Variants in EPB41L4B observed in about 807,000 individuals in gnomAD.
The protein encoded by EPB41L4B is erythrocyte membrane protein band 4.1 like 4B.
In EPB41L4B, 30 loss-of-function variants were observed where a neutral mutation model predicts 112.5. The observed-to-expected ratio is 0.27, with a 90% confidence interval of 0.20 to 0.36. The LOEUF is 0.36. EPB41L4B is among the 10% of genes least tolerant of loss of function. The probability of loss-of-function intolerance (pLI) is 1.00; values close to 1 mark genes in which losing one functional copy is unlikely to be tolerated. For synonymous variants in EPB41L4B, 408 were observed against 439.7 expected (o/e 0.93, Z 0.90); for missense variants, 1,024 against 1,133.3 (o/e 0.90, Z 1.38).
At chr9:109,229,664 T>C (rs1181661134) in intron 15 of EPB41L4B, among the ~76,000 whole-genome samples, 2 of 152,168 alleles carry the variant, frequency 1.3e-5, no homozygotes, top group African/African-American at 4.8e-5. Flanking sequence ...TTAGCCTCAA[T>C]GGGGACAATT....
Position 109,267,496 on chromosome 9 carries a change from G to C in EPB41L4B, c.510C>G (p.Asn170Lys), listed in dbSNP as rs767753030. ...ACCTTGTAAACTCCTCACGAAGGTT[G>C]TTTGGTTCTGAAGAATAGTATTTAA... ...FRVKYYSSEP[N>K]NLREEFTRYL... Residue 170 changes from asparagine to lysine, a missense_variant, in exon 4 of 26, where the codon AAC becomes AAG. Coordinates refer to ENST00000374566, the MANE Select transcript of EPB41L4B (RefSeq NM_019114.5). 1.2e-6 allele frequency: 2 copies of C among 1,613,524 alleles called. No homozygotes were observed. The highest frequency in any genetic ancestry group is 1.7e-6 in the Non-Finnish European group (2 of 1,179,534).
At chr9:109,228,579 CTGTT>C (rs1833859703) in intron 15 of EPB41L4B, among the ~76,000 whole-genome samples, 1 of 152,290 alleles carries the variant, frequency 6.6e-6, no homozygotes, top group Middle Eastern at 3.4e-3. Flanking sequence ...CAATTTTCTT[CTGTT>C]TGTTCTCTTC....
chr9:109,225,411 G>C (rs988898374), intron 15 of EPB41L4B, among the ~76,000 whole-genome samples: 1 of 152,196 alleles, frequency 6.6e-6, no homozygotes, highest in Admixed American at 6.5e-5. Context: ...ACAGTTCCAC[G>C]TGGCTGGAGA....
At chr9:109,251,830 A>G (rs1055399471) in intron 12 of EPB41L4B, among the ~76,000 whole-genome samples, 12 of 152,164 alleles carry the variant, frequency 7.9e-5, no homozygotes, top group African/African-American at 2.7e-4. Flanking sequence ...GAAGTGGGTA[A>G]AAGGGAAAAC....
intron 22 of EPB41L4B, among the ~76,000 whole-genome samples, chr9:109,186,711 C>T (rs930626579): frequency 3.3e-5 from 5 of 152,034 alleles, no homozygotes; most frequent in African/African-American, 1.2e-4. Context: ...GAACTCCCAG[C>T]CTCAAGAGAT....
At chr9:109,274,035 C>A (rs1032115484) in intron 2 of EPB41L4B, among the ~76,000 whole-genome samples, 3 of 152,190 alleles carry the variant, frequency 2.0e-5, no homozygotes, top group African/African-American at 7.2e-5. Context: ...ACCCTCCCAG[C>A]AGGCGCCATA....
Position 109,207,939 on chromosome 9 carries a change from G to T in EPB41L4B, c.1863C>A (p.Ser621=). 1.2e-6 allele frequency: 2 copies of T among 1,614,012 alleles called. No individual in the cohort carries two copies. The highest frequency in any genetic ancestry group is 2.2e-5 in the South Asian group (2 of 91,066). ...NILKAQLENA[S]RVNIQGGKEE... is the part of the protein sequence containing the mutation. ...TTCTGCGCACCTGGATGTTCACTCGGGAAGCATTTTCCAACTGGGCTTTCA... is the reference window on the plus strand; with the variant it reads ...TTCTGCGCACCTGGATGTTCACTCGTGAAGCATTTTCCAACTGGGCTTTCA... The change falls in exon 18 of 26, where the codon TCC becomes TCA. Residue 621 remains serine, a synonymous_variant. Coordinates refer to ENST00000374566, the MANE Select transcript of EPB41L4B (RefSeq NM_019114.5).
intron 1 of EPB41L4B, among the ~76,000 whole-genome samples, chr9:109,313,397 T>C (rs1837494087): frequency 6.6e-6 from 1 of 152,040 alleles, no homozygotes; most frequent in Non-Finnish European, 1.5e-5. Context: ...CCACAGAGGC[T>C]GCAGAAGGAG....
intron 15 of EPB41L4B, among the ~76,000 whole-genome samples, chr9:109,223,965 G>T (rs1435042723): frequency 6.6e-6 from 1 of 152,114 alleles, no homozygotes; most frequent in Non-Finnish European, 1.5e-5. Context: ...GTTGCAGTGA[G>T]CCGAGATTGT....
At chr9:109,213,889 C>T in intron 16 of EPB41L4B, 71 bp from the exon 17 acceptor site, 2 of 1,387,526 alleles carry the variant, frequency 1.4e-6, no homozygotes, top group Non-Finnish European at 1.0e-6. Flanking sequence ...AAAAGGGACA[C>T]TTGCCAGCGC....
intron 16 of EPB41L4B, among the ~76,000 whole-genome samples, chr9:109,216,368 T>C (rs529365650): frequency 6.6e-6 from 1 of 152,076 alleles, no homozygotes; most frequent in East Asian, 1.9e-4. Flanking sequence ...TGACCGGGCA[T>C]GGTGGCTCAC....
In EPB41L4B at chr9:109,321,032, C is replaced by A. The variant is rs1173769835; in HGVS notation, c.-586G>T. ...CAGCCGCCGCCGCCGCCGCCGCCGCCGCTGCCGCCGGGACTGCAGCACGCC... is the reference window on the plus strand; with the variant it reads ...CAGCCGCCGCCGCCGCCGCCGCCGCAGCTGCCGCCGGGACTGCAGCACGCC... On this transcript the variant is annotated 5_prime_UTR_variant, in exon 1 of 26. Transcript: ENST00000374566. 6 of 187,544 alleles carry A rather than the reference C, an allele frequency of 3.2e-5. No individual in the cohort carries two copies. Among genetic ancestry groups the A allele is most frequent in the Non-Finnish European group, 5.4e-5 (5 of 93,090 alleles). 11.6% of individuals were successfully genotyped at this position (187,544 alleles called of 1,614,324 possible). A position where few individuals can be genotyped will look rare whatever the true frequency, so the allele number is the denominator to read the frequency against.
At chr9:109,267,600 A>ATCCTG in intron 3 of EPB41L4B, 49 bp from the exon 4 acceptor site, 1 of 1,240,516 alleles carries the variant, frequency 8.1e-7, no homozygotes, top group Non-Finnish European at 1.2e-6. Context: ...CCCAGTTTTG[A>ATCCTG]AGATCACAGG....
chr9:109,198,090 A>T (rs1051332638), intron 20 of EPB41L4B, among the ~76,000 whole-genome samples: 4 of 152,188 alleles, frequency 2.6e-5, no homozygotes, highest in African/African-American at 7.2e-5. Flanking sequence ...CTTTCCTAGG[A>T]AATGCAGCTG....
chr9:109,259,232 AG>A (rs1343022757), intron 6 of EPB41L4B, among the ~76,000 whole-genome samples: 1 of 152,222 alleles, frequency 6.6e-6, no homozygotes, highest in Non-Finnish European at 1.5e-5. Context: ...CCCAGGTCAC[AG>A]GCCTGCCCAT....
intron 13 of EPB41L4B, among the ~76,000 whole-genome samples, chr9:109,249,009 A>G (rs1834666313): frequency 6.6e-6 from 1 of 150,526 alleles, no homozygotes; most frequent in Non-Finnish European, 1.5e-5. Flanking sequence ...CAGTGAGCCG[A>G]GACTGCGCCA....
intron 15 of EPB41L4B, among the ~76,000 whole-genome samples, chr9:109,235,315 C>T (rs901142631): frequency 5.3e-5 from 8 of 151,892 alleles, no homozygotes; most frequent in Non-Finnish European, 1.2e-4. Flanking sequence ...GAACCAAACA[C>T]CCCTTTCCCT....
intron 15 of EPB41L4B, among the ~76,000 whole-genome samples, chr9:109,221,850 G>T (rs1833583789): frequency 6.6e-6 from 1 of 152,154 alleles, no homozygotes; most frequent in African/African-American, 2.4e-5. Flanking sequence ...TTGAGTAAGA[G>T]TTCCTGAGGG....
Position 109,192,253 on chromosome 9 carries a change from G to C in EPB41L4B, c.2301+25C>G, listed in dbSNP as rs1588124816. 10 of 1,587,122 alleles carry C rather than the reference G, an allele frequency of 6.3e-6. No individual in the cohort carries two copies. The East Asian group carries it at 2.2e-4, about 36-fold the overall frequency. On this transcript the variant is annotated intron_variant, in intron 22 of 25. Coordinates refer to ENST00000374566, the MANE Select transcript of EPB41L4B (RefSeq NM_019114.5). ...TGTTTCTATGGTCTGTGACTTTTCT[G>C]GTTTTAGCAAAATAGGAAGTTTACC...
Sources: allele counts gnomAD v4.1 joint callset (sites outside exome capture counted in the v4.1 genomes callset), GRCh38; gene constraint gnomAD v4.1.1; transcripts MANE v1.5; gene names NCBI Gene and HGNC (gene_info 2026-07-23, HGNC 2026-07-21).